Variants in PRKCA observed in about 807,000 individuals in gnomAD.
PRKCA encodes protein kinase C alpha type.
In PRKCA, 27 loss-of-function variants were observed where a neutral mutation model predicts 87.0. The ratio of observed to expected loss-of-function variants is 0.31; its 90% confidence interval spans 0.23 to 0.43. PRKCA has a LOEUF of 0.43. Among genes scored for constraint, PRKCA ranks in the 20% least tolerant of loss-of-function variants. The pLI is 1.00. For synonymous variants in PRKCA, 329 were observed against 311.1 expected, an observed-to-expected ratio of 1.06 and a Z score of -0.61; for missense variants, 518 against 852.3, an observed-to-expected ratio of 0.61 and a Z score of 4.88.
intron 5 of PRKCA, among the ~76,000 whole-genome samples, chr17:66,652,235 A>G (rs2143850603): frequency 6.6e-6 from 1 of 152,320 alleles, no homozygotes; most frequent in Non-Finnish European, 1.5e-5. Context: ...TTGGGATTAC[A>G]GGCGTGAGCC....
At chr17:66,777,397 A>G in intron 14 of PRKCA, 2 of 984,868 alleles carry the variant, frequency 2.0e-6, no homozygotes, top group South Asian at 4.7e-5. Flanking sequence ...TGACATCAAA[A>G]GAGTGGTTTA....
intron 3 of PRKCA, among the ~76,000 whole-genome samples, chr17:66,555,924 T>C (rs1420715571): frequency 6.6e-6 from 1 of 152,198 alleles, no homozygotes; most frequent in Admixed American, 6.5e-5. Flanking sequence ...AATTATTTTT[T>C]TGTTCCTGTC....
intron 2 of PRKCA, among the ~76,000 whole-genome samples, chr17:66,417,639 C>A (rs1192586927): frequency 1.3e-5 from 2 of 152,152 alleles, no homozygotes; most frequent in Non-Finnish European, 2.9e-5. Flanking sequence ...TAAGGAGGGT[C>A]CCTCTGCCTC....
chr17:66,337,956 G>A (rs1305227238), intron 2 of PRKCA, among the ~76,000 whole-genome samples: 1 of 151,928 alleles, frequency 6.6e-6, no homozygotes, highest in Non-Finnish European at 1.5e-5. Context: ...TTTGTAACCA[G>A]TATGGAGATT....
chr17:66,503,996 C>T lies in PRKCA; in HGVS notation c.288+7713C>T, dbSNP rs548686298. On this transcript the variant is annotated intron_variant, in intron 3 of 16. Transcript: ENST00000413366. ...AAGCTAAAAAGTTGCATTTAAAATT[C>T]AGCAGAGTATATCGTGCAGAGAGTC... is the stretch of plus-strand genomic sequence containing the variant. 1.4e-4 allele frequency among the ~76,000 whole-genome samples: 21 copies of T among 152,250 alleles called. 1 individual carries two copies. The highest frequency in any genetic ancestry group is 3.4e-3 in the Middle Eastern group (1 of 294).
chr17:66,804,165 A>G lies in PRKCA; in HGVS notation c.*128A>G. The G allele has an allele frequency of 1.5e-6, 2 of 1,292,492 alleles. No homozygotes were observed. The highest frequency in any genetic ancestry group is 2.1e-6 in the Non-Finnish European group (2 of 961,480). The allele number at this position is 1,292,492 out of a possible 1,614,324, so 80.1% of individuals were successfully genotyped here. On this transcript the variant is annotated 3_prime_UTR_variant, in exon 17 of 17. Coordinates refer to ENST00000413366, the MANE Select transcript of PRKCA (RefSeq NM_002737.3). Reference sequence around the variant, plus strand: ...TTCCATATGGAGGCCTGAAAATTGTAGGGTTATTAGTCCAAATGTGATCAA... The same window carrying G: ...TTCCATATGGAGGCCTGAAAATTGTGGGGTTATTAGTCCAAATGTGATCAA...
At chr17:66,643,132 T>C (rs768321257) in intron 4 of PRKCA, among the ~76,000 whole-genome samples, 2 of 152,212 alleles carry the variant, frequency 1.3e-5, no homozygotes, top group East Asian at 1.9e-4. Flanking sequence ...TAAGTGCATA[T>C]GTAAATATAT....
At chr17:66,473,628 A>G (rs1915419770) in intron 2 of PRKCA, among the ~76,000 whole-genome samples, 1 of 152,190 alleles carries the variant, frequency 6.6e-6, no homozygotes, top group African/African-American at 2.4e-5. Flanking sequence ...ATTAAGGAGT[A>G]TAGTGTCTAG....
At chr17:66,678,187 C>T (rs1313699945) in intron 5 of PRKCA, among the ~76,000 whole-genome samples, 1 of 152,144 alleles carries the variant, frequency 6.6e-6, no homozygotes, top group African/African-American at 2.4e-5. Context: ...ATTACAGGCA[C>T]AGAGAAGAAG....
intron 2 of PRKCA, among the ~76,000 whole-genome samples, chr17:66,441,352 A>AAG (rs1913744157): frequency 6.6e-6 from 1 of 151,782 alleles, no homozygotes; most frequent in African/African-American, 2.4e-5. Flanking sequence ...TCCAAAAAAA[A>AAG]AAAAAGATTG....
intron 2 of PRKCA, among the ~76,000 whole-genome samples, chr17:66,368,386 A>ATTTTTTTTTTT (rs1180540465): frequency 3.9e-5 from 1 of 25,468 alleles, no homozygotes; most frequent in African/African-American, 1.2e-4. Context: ...ATATATATAT[A>ATTTTTTTTTTT]TTTTTTTTTT....
chr17:66,619,896 G>T (rs1027948038), intron 3 of PRKCA, among the ~76,000 whole-genome samples: 2 of 130,794 alleles, frequency 1.5e-5, no homozygotes, highest in Non-Finnish European at 3.5e-5. Flanking sequence ...ACCTCGTTGA[G>T]GTTATAAAGT....
chr17:66,551,641 A>AG (rs1172412085), intron 3 of PRKCA, among the ~76,000 whole-genome samples: 6 of 152,202 alleles, frequency 3.9e-5, no homozygotes, highest in South Asian at 2.1e-4. Flanking sequence ...CCCATACTCA[A>AG]GGGGGGGATA....
At chr17:66,603,221 T>A (rs1180481638) in intron 3 of PRKCA, among the ~76,000 whole-genome samples, 1 of 152,190 alleles carries the variant, frequency 6.6e-6, no homozygotes, top group Non-Finnish European at 1.5e-5. Context: ...GGGCCAGTGC[T>A]CTCTCTCTGC....
intron 8 of PRKCA, among the ~76,000 whole-genome samples, chr17:66,729,060 G>A (rs753008127): frequency 6.6e-6 from 1 of 152,212 alleles, no homozygotes; most frequent in Non-Finnish European, 1.5e-5. Flanking sequence ...GTGCAGAGCA[G>A]GGTGGCATAG....
intron 2 of PRKCA, among the ~76,000 whole-genome samples, chr17:66,431,414 T>G (rs1006426100): frequency 5.9e-5 from 9 of 152,222 alleles, no homozygotes; most frequent in African/African-American, 2.2e-4. Flanking sequence ...TTCATACTTT[T>G]CTTAATGGAA....
intron 2 of PRKCA, among the ~76,000 whole-genome samples, chr17:66,478,340 C>T (rs775188763): frequency 4.6e-5 from 7 of 152,080 alleles, no homozygotes; most frequent in Admixed American, 3.9e-4. Context: ...CCGCAATCTC[C>T]GCCTTCTGGG....
At chr17:66,509,239 A>G (rs1369539678) in intron 3 of PRKCA, among the ~76,000 whole-genome samples, 1 of 151,532 alleles carries the variant, frequency 6.6e-6, no homozygotes, top group African/African-American at 2.4e-5. Flanking sequence ...TGTTGACTCA[A>G]TGCAATTATG....
At chr17:66,695,929 A>C (rs1972907529) in intron 8 of PRKCA, among the ~76,000 whole-genome samples, 1 of 152,252 alleles carries the variant, frequency 6.6e-6, no homozygotes, top group Non-Finnish European at 1.5e-5. Flanking sequence ...TGTCCCTTGA[A>C]GCTTGTATGA....
Sources: gnomAD v4.1 joint callset for allele counts (sites outside exome capture counted in the v4.1 genomes callset) on GRCh38, gnomAD v4.1.1 for gene constraint, MANE v1.5 for transcripts, NCBI Gene and HGNC (gene_info 2026-07-23, HGNC 2026-07-21) for gene names.